ACOT13: variants seen among roughly 807,000 people sequenced by gnomAD.
ACOT13 encodes acyl-coenzyme A thioesterase 13.
In ACOT13, 10 loss-of-function variants were observed where a neutral mutation model predicts 11.8. The ratio of observed to expected loss-of-function variants is 0.85; its 90% CI spans 0.53 to 1.44. The LOEUF (loss-of-function observed/expected upper bound fraction) is 1.44, where lower values mean the gene tolerates loss of function less well. ACOT13 is among the 40% of genes most tolerant of loss of function. ACOT13 has a pLI of 0.00. For missense variants in ACOT13, 172 were observed against 174.1 expected, an observed-to-expected ratio of 0.99 and a Z score of 0.07; for synonymous variants, 53 against 61.0, an observed-to-expected ratio of 0.87 and a Z score of 0.61.
chr6:24,695,533 C>T (rs1036873482), intron 1 of ACOT13, among the ~76,000 whole-genome samples: 4 of 152,106 alleles, frequency 2.6e-5, no homozygotes, highest in Admixed American at 6.6e-5. Flanking sequence ...TCCAAGAAAC[C>T]TGTATTTATT....
intron 1 of ACOT13, among the ~76,000 whole-genome samples, chr6:24,696,505 C>G (rs1778795949): frequency 6.6e-6 from 1 of 152,144 alleles, no homozygotes; most frequent in Non-Finnish European, 1.5e-5. Context: ...TGGTACTTAT[C>G]TAGAATATAA....
chr6:24,687,626 CT>C, intron 1 of ACOT13: 1 of 1,501,470 alleles, frequency 6.7e-7, no homozygotes, highest in Non-Finnish European at 8.9e-7. Flanking sequence ...AGATTTAGGA[CT>C]GAACCTTAAA....
rs558571170 is a variant in ACOT13, at chr6:24,684,566, G to A, written c.82-13317G>A. On this transcript the variant is annotated intron_variant, in intron 1 of 2. Coordinates refer to ENST00000230048, the MANE Select transcript of ACOT13 (RefSeq NM_018473.4). ...CCCGTTGAACCAGAAGTTGCAGTACGGCTGAAGTGTCCAGATTAGTGCTAA... is the reference window on the plus strand; with the variant it reads ...CCCGTTGAACCAGAAGTTGCAGTACAGCTGAAGTGTCCAGATTAGTGCTAA... Among the ~76,000 whole-genome samples the A allele has an allele frequency of 1.7e-3, 59 of 34,024 alleles. 1 individual carries two copies. The highest frequency in any genetic ancestry group is 0.01 in the African/African-American group (50 of 4,796). The allele number at this position is 34,024 out of a possible 152,430, so 22.3% of individuals were successfully genotyped here. A position where few individuals can be genotyped will look rare whatever the true frequency, so the allele number is the denominator to read the frequency against.
In ACOT13 at chr6:24,704,437, A is replaced by T. The variant is rs1778956983; in HGVS notation, c.*2822A>T. The stretch of plus-strand genomic sequence containing the variant: ...ATGGTAAATTAAGAGCATAGGCCTT[A>T]AGAGCCAGCCAGCCTGGTTTTAAAT... On this transcript the variant is annotated 3_prime_UTR_variant, in exon 3 of 3. Coordinates refer to ENST00000230048, the MANE Select transcript of ACOT13 (RefSeq NM_018473.4). The T allele has an allele frequency of 6.6e-6, 1 of 152,252 alleles. No homozygotes were observed. Among genetic ancestry groups the T allele is most frequent in the South Asian group, 2.1e-4 (1 of 4,830 alleles). 9.4% of individuals were successfully genotyped at this position (152,252 alleles called of 1,614,324 possible). A position where few individuals can be genotyped will look rare whatever the true frequency, so the allele number is the denominator to read the frequency against.
chr6:24,683,720 A>G (rs1778588832), intron 1 of ACOT13, among the ~76,000 whole-genome samples: 1 of 29,600 alleles, frequency 3.4e-5, no homozygotes, highest in Admixed American at 4.8e-4. Flanking sequence ...CTTCCAGGTC[A>G]CAGGTAGGTG....
rs1778973108 is a variant in ACOT13 at position 24,704,921 on chromosome 6, CTTTTTTTCTTTT to C, written c.*3312_*3323del. The C allele has an allele frequency of 6.6e-6, 1 of 151,750 alleles. No individual in the cohort carries two copies. Among genetic ancestry groups the C allele is most frequent in the South Asian group, 2.1e-4 (1 of 4,744 alleles). 9.4% of individuals were successfully genotyped at this position (151,750 alleles called of 1,614,324 possible). ...CCTATTTTATTTAGGTTTTCTTTTTCTTTTTTTCTTTTTTTTTCAAATTCCAACCAGAAGCTA... is the reference window on the plus strand; with the variant it reads ...CCTATTTTATTTAGGTTTTCTTTTTCTTTTTCAAATTCCAACCAGAAGCTA... On this transcript the variant is annotated 3_prime_UTR_variant, in exon 3 of 3. Coordinates refer to ENST00000230048, the MANE Select transcript of ACOT13 (RefSeq NM_018473.4).
chr6:24,702,737 A>G lies in ACOT13; in HGVS notation c.*1122A>G, dbSNP rs1778914053. 1 of 152,212 alleles carries G rather than the reference A, an allele frequency of 6.6e-6. No individual in the cohort carries two copies. The highest frequency in any genetic ancestry group is 2.4e-5 in the African/African-American group (1 of 41,450). 9.4% of individuals were successfully genotyped at this position (152,212 alleles called of 1,614,324 possible). On this transcript the variant is annotated 3_prime_UTR_variant, in exon 3 of 3. Transcript: ENST00000230048. ...AAGACCTCAAGAAAAGTTTGAGGCTAAGCATGTTAGTGTTACAGGAAATGG... is the reference window on the plus strand; with the variant it reads ...AAGACCTCAAGAAAAGTTTGAGGCTGAGCATGTTAGTGTTACAGGAAATGG...
At chr6:24,699,820 T>C (rs1482054678) in intron 2 of ACOT13, among the ~76,000 whole-genome samples, 1 of 152,214 alleles carries the variant, frequency 6.6e-6, no homozygotes, top group Non-Finnish European at 1.5e-5. Context: ...ACTAAGGTAC[T>C]TTTGCCTTTA....
intron 1 of ACOT13, 44 bp from the exon 2 acceptor site, chr6:24,697,839 A>T: frequency 6.7e-7 from 1 of 1,481,990 alleles, no homozygotes; most frequent in Admixed American, 2.4e-5. Context: ...TGGCTTTTCT[A>T]ATTCTACAGA....
At chr6:24,687,809 T>C (rs986480006) in intron 1 of ACOT13, 22 of 1,062,954 alleles carry the variant, frequency 2.1e-5, no homozygotes, top group Non-Finnish European at 2.7e-5. Context: ...CCTCCCAGGT[T>C]CAAGTATTTC....
At chr6:24,673,378 T>G (rs1167409514) in intron 1 of ACOT13, among the ~76,000 whole-genome samples, 1 of 152,180 alleles carries the variant, frequency 6.6e-6, no homozygotes, top group African/African-American at 2.4e-5. Context: ...ATTTTTTTTT[T>G]GAAATAGAGT....
intron 1 of ACOT13, among the ~76,000 whole-genome samples, chr6:24,693,332 C>T (rs150707633): frequency 7.9e-5 from 12 of 152,358 alleles, no homozygotes; most frequent in African/African-American, 2.9e-4. Context: ...CCATTACAGA[C>T]ACCCTTACTG....
intron 1 of ACOT13, among the ~76,000 whole-genome samples, chr6:24,674,057 T>G (rs933489423): frequency 3.3e-5 from 5 of 152,198 alleles, no homozygotes; most frequent in East Asian, 1.9e-4. Flanking sequence ...GTGGGGTTTT[T>G]TTTGTTTGTT....
chr6:24,685,285 T>G (rs2127624913), intron 1 of ACOT13, among the ~76,000 whole-genome samples: 1 of 151,782 alleles, frequency 6.6e-6, no homozygotes, highest in East Asian at 1.9e-4. Context: ...TTATGCATAG[T>G]AATTCATAAA....
chr6:24,696,810 C>G (rs1300642413), intron 1 of ACOT13, among the ~76,000 whole-genome samples: 1 of 151,832 alleles, frequency 6.6e-6, no homozygotes, highest in East Asian at 1.9e-4. Flanking sequence ...GAGTCTCCCT[C>G]TGTCATCCAG....
At chr6:24,685,019 A>ATTTT (rs1050290427) in intron 1 of ACOT13, among the ~76,000 whole-genome samples, 1 of 151,712 alleles carries the variant, frequency 6.6e-6, no homozygotes, top group African/African-American at 2.4e-5. Flanking sequence ...TCTAAAAAAA[A>ATTTT]TTTTTTTTTA....
At position 24,697,866 on chromosome 6, in the gene ACOT13, CT is replaced by C. The variant is rs753401228; in HGVS notation, c.82-9del. The C allele has an allele frequency of 2.8e-5, 44 of 1,568,120 alleles. No homozygotes were observed. Among genetic ancestry groups the C allele is most frequent in the South Asian group, 1.1e-4 (9 of 84,168 alleles). ...TTCTACAGAATTAATGTTCAGGATT[CT>C]TTTTTTTACACTTAGATTACTCTTG... On this transcript the variant is annotated splice_polypyrimidine_tract_variant and intron_variant, in intron 1 of 2. Transcript: ENST00000230048.
intron 1 of ACOT13, chr6:24,687,611 A>G: frequency 1.4e-6 from 2 of 1,475,810 alleles, no homozygotes; most frequent in Non-Finnish European, 1.8e-6. Flanking sequence ...GGAGAGAAGC[A>G]GTAAAGATTT....
chr6:24,704,529 TGA>T lies in ACOT13; in HGVS notation c.*2918_*2919del, dbSNP rs1562165866. ...CTCTGCATCTATTTCCACCAAAGGT[TGA>T]GAGGTTAAGACAAGAGCTTAGAAGA... On this transcript the variant is annotated 3_prime_UTR_variant, in exon 3 of 3. Coordinates refer to ENST00000230048, the MANE Select transcript of ACOT13 (RefSeq NM_018473.4). 6.6e-6 allele frequency: 1 copy of T among 152,222 alleles called. No individual in the cohort carries two copies. The highest frequency in any genetic ancestry group is 2.4e-5 in the African/African-American group (1 of 41,462). 9.4% of individuals were successfully genotyped at this position (152,222 alleles called of 1,614,324 possible). A position where few individuals can be genotyped will look rare whatever the true frequency, so the allele number is the denominator to read the frequency against.
Sources: allele counts gnomAD v4.1 joint callset (sites outside exome capture counted in the v4.1 genomes callset), GRCh38; gene constraint gnomAD v4.1.1; transcripts MANE v1.5; gene names NCBI Gene and HGNC (gene_info 2026-07-23, HGNC 2026-07-21).